Variants in CCNY observed in about 807,000 individuals in gnomAD.
The protein encoded by CCNY is cyclin Y.
A neutral mutation model predicts 42.8 loss-of-function variants in CCNY; 19 were observed. The observed-to-expected ratio is 0.44, with a 90% CI of 0.31 to 0.65. The LOEUF is 0.65. Ranked by LOEUF, CCNY falls within the 30% of genes least tolerant of loss-of-function variation. The pLI is 0.07. For missense variants in CCNY, 370 were observed against 437.3 expected (o/e 0.85, Z 1.37); for synonymous variants, 165 against 162.7 (o/e 1.01, Z -0.11).
intron 1 of CCNY, among the ~76,000 whole-genome samples, chr10:35,421,621 C>T (rs151179723): frequency 1.2e-4 from 19 of 152,240 alleles, no homozygotes; most frequent in African/African-American, 1.7e-4. Context: ...GGCTTTTGTC[C>T]GTGTTGCCTG....
chr10:35,274,283 G>A (rs1835211833), intron 3 of CCNY, among the ~76,000 whole-genome samples: 1 of 152,108 alleles, frequency 6.6e-6, no homozygotes, highest in Non-Finnish European at 1.5e-5. Flanking sequence ...CTGTATGGGG[G>A]AACCTGCCCC....
chr10:35,281,465 A>G (rs1244565839), intron 3 of CCNY, among the ~76,000 whole-genome samples: 3 of 151,538 alleles, frequency 2.0e-5, no homozygotes, highest in African/African-American at 7.3e-5. Context: ...GTGCCCAGCT[A>G]ATTTTTTTTT....
At chr10:35,550,736 C>A (rs924249390) in intron 7 of CCNY, among the ~76,000 whole-genome samples, 2 of 152,170 alleles carry the variant, frequency 1.3e-5, no homozygotes, top group African/African-American at 4.8e-5. Flanking sequence ...CAAACTATTA[C>A]AAGACTCAAA....
chr10:35,307,818 ATTTT>A (rs1241404700), intron 3 of CCNY, among the ~76,000 whole-genome samples: 3 of 96,168 alleles, frequency 3.1e-5, no homozygotes, highest in African/African-American at 1.2e-4. Context: ...ATATATATAT[ATTTT>A]TTTTTTTTTT....
At position 35,476,624 on chromosome 10, in the gene CCNY, G is replaced by A. The variant is rs1444938663; in HGVS notation, c.155-6780G>A. Reference sequence around the variant, plus strand: ...CACAACATACCAGAATCTCTGGGACGCATTCAAAGCAGTGTGTAGAGGGAA... The same window carrying A: ...CACAACATACCAGAATCTCTGGGACACATTCAAAGCAGTGTGTAGAGGGAA... On this transcript the variant is annotated intron_variant, in intron 1 of 9. Transcript: ENST00000374704. 1.1e-4 allele frequency among the ~76,000 whole-genome samples: 16 copies of A among 150,428 alleles called. No homozygotes were observed. The South Asian group carries it at 1.3e-3, about 12-fold the overall frequency.
chr10:35,529,667 A>C lies in CCNY; in HGVS notation c.402-306A>C, dbSNP rs907973392. Among the ~76,000 whole-genome samples, 5 of 151,984 alleles carry C rather than the reference A, an allele frequency of 3.3e-5. No homozygotes were observed. In the East Asian group the frequency reaches 9.7e-4, roughly 30 times the overall value. ...CTCCTGAGGTCAGGAGTTCGAGACC[A>C]GCCTGGCTAACATGGTGAAACCTTG... is the stretch of plus-strand genomic sequence containing the variant. On this transcript the variant is annotated intron_variant, in intron 5 of 9. Coordinates refer to ENST00000374704, the MANE Select transcript of CCNY (RefSeq NM_145012.6).
chr10:35,362,102 C>T (rs1351926785), intron 1 of CCNY, among the ~76,000 whole-genome samples: 2 of 152,146 alleles, frequency 1.3e-5, no homozygotes, highest in East Asian at 3.8e-4. Flanking sequence ...GGAGCCCCAT[C>T]CCCAAGTTTA....
chr10:35,416,062 A>G (rs1589106237), intron 1 of CCNY, among the ~76,000 whole-genome samples: 1 of 152,148 alleles, frequency 6.6e-6, no homozygotes, highest in East Asian at 1.9e-4. Context: ...TTCAAAGAAG[A>G]TCAAAGAAGA....
intron 3 of CCNY, among the ~76,000 whole-genome samples, chr10:35,317,937 A>T (rs1200340273): frequency 6.6e-6 from 1 of 152,244 alleles, no homozygotes; most frequent in Non-Finnish European, 1.5e-5. Flanking sequence ...GTGCTATCTT[A>T]CATAGTTCCA....
chr10:35,377,805 AAATT>A (rs1229840479), intron 1 of CCNY, among the ~76,000 whole-genome samples: 8 of 152,084 alleles, frequency 5.3e-5, no homozygotes, highest in East Asian at 3.8e-4. Context: ...TCAAAACAAA[AAATT>A]AAGTAAGAAG....
At position 35,483,482 on chromosome 10, in the gene CCNY, G is replaced by GAGAAAAACGCAAGA; in HGVS notation, c.229+4_229+5insAGAAAAACGCAAGA. On this transcript the variant is annotated splice_donor_region_variant and intron_variant, in intron 2 of 9. Transcript: ENST00000374704. Reference sequence around the variant, plus strand: ...CTCAGTAAATCTCAGACGGACGGTAGGTCCTTAATTTATGTTTCTTTTTGT... The same window carrying GAGAAAAACGCAAGA: ...CTCAGTAAATCTCAGACGGACGGTAGAGAAAAACGCAAGAGTCCTTAATTTATGTTTCTTTTTGT... 1 of 1,572,364 alleles carries GAGAAAAACGCAAGA rather than the reference G, an allele frequency of 6.4e-7. No individual in the cohort carries two copies. The highest frequency in any genetic ancestry group is 8.7e-7 in the Non-Finnish European group (1 of 1,146,746).
chr10:35,506,357 G>A (rs2135396708), intron 3 of CCNY, among the ~76,000 whole-genome samples: 1 of 152,302 alleles, frequency 6.6e-6, no homozygotes, highest in East Asian at 1.9e-4. Flanking sequence ...ACCCAGGGAT[G>A]TTGACATGGG....
chr10:35,466,358 T>C (rs1034001956), intron 1 of CCNY, among the ~76,000 whole-genome samples: 5 of 152,014 alleles, frequency 3.3e-5, no homozygotes, highest in Admixed American at 2.6e-4. Context: ...TGGGAAAAAC[T>C]GAAAGAAGAT....
intron 3 of CCNY, among the ~76,000 whole-genome samples, chr10:35,293,348 C>G (rs147163500): frequency 6.6e-6 from 1 of 152,298 alleles, no homozygotes; most frequent in African/African-American, 2.4e-5. Flanking sequence ...CAAAACCATA[C>G]TGTCTTGATT....
chr10:35,370,561 G>A (rs1836910380), intron 1 of CCNY, among the ~76,000 whole-genome samples: 1 of 151,934 alleles, frequency 6.6e-6, no homozygotes, highest in Admixed American at 6.5e-5. Context: ...GCTAACTATA[G>A]ACCTTGGATG....
At chr10:35,536,270 T>C (rs1323890654) in intron 7 of CCNY, among the ~76,000 whole-genome samples, 3 of 152,158 alleles carry the variant, frequency 2.0e-5, no homozygotes, top group Non-Finnish European at 2.9e-5. Context: ...CCTTTCACCC[T>C]CCGCCATGAT....
chr10:35,372,194 A>G (rs971076438), intron 1 of CCNY, among the ~76,000 whole-genome samples: 4 of 152,162 alleles, frequency 2.6e-5, no homozygotes, highest in African/African-American at 9.7e-5. Context: ...AGGATGGGGG[A>G]ACTCCAGGGT....
intron 1 of CCNY, among the ~76,000 whole-genome samples, chr10:35,469,161 G>C (rs548253920): frequency 1.3e-5 from 2 of 152,288 alleles, no homozygotes; most frequent in East Asian, 3.9e-4. Context: ...CACACAACTG[G>C]ATAGCCCCTG....
chr10:35,369,697 A>G (rs1267136206), intron 1 of CCNY, among the ~76,000 whole-genome samples: 1 of 152,196 alleles, frequency 6.6e-6, no homozygotes, highest in Admixed American at 6.5e-5. Flanking sequence ...TGCAATGGAA[A>G]AGTTTCTGAG....
Sources: allele counts gnomAD v4.1 joint callset (sites outside exome capture counted in the v4.1 genomes callset), GRCh38; gene constraint gnomAD v4.1.1; transcripts MANE v1.5; gene names NCBI Gene and HGNC (gene_info 2026-07-23, HGNC 2026-07-21).